Variants in ANKRD34C observed in about 807,000 individuals in gnomAD.
ANKRD34C encodes the protein ankyrin repeat domain 34C.
For synonymous variants in ANKRD34C, 260 were observed against 253.6 expected (o/e 1.03, Z -0.24); for missense variants, 563 against 653.0 (o/e 0.86, Z 1.50).
Position 79,297,041 on chromosome 15 carries a change from T to C in ANKRD34C, c.*2149T>C, listed in dbSNP as rs1285122738. The C allele has an allele frequency of 6.0e-6, 1 of 167,048 alleles. No individual in the cohort carries two copies. The allele number at this position is 167,048 out of a possible 1,614,324, so 10.3% of individuals were successfully genotyped here. Reference sequence around the variant, plus strand: ...TGTGTGCTAATGGTCTCATACTTTGTAGGAAGGGAAGAAAATAAGGAAAGC... The same window carrying C: ...TGTGTGCTAATGGTCTCATACTTTGCAGGAAGGGAAGAAAATAAGGAAAGC... On this transcript the variant is annotated 3_prime_UTR_variant, in exon 2 of 2. Transcript: ENST00000421388.
At chr15:79,291,611 G>C (rs997610898) in intron 1 of ANKRD34C, among the ~76,000 whole-genome samples, 2,274 of 110,952 alleles carry the variant, frequency 0.02, 30 homozygotes, top group African/African-American at 0.048. Context: ...CAGAGAGAGA[G>C]AGAGAGAGAG....
At position 79,295,942 on chromosome 15, in the gene ANKRD34C, T is replaced by A. The variant is rs896900710; in HGVS notation, c.*1050T>A. On this transcript the variant is annotated 3_prime_UTR_variant, in exon 2 of 2. Transcript: ENST00000421388. ...AAAATCTGGTTTCTTCTCTTCCTGA[T>A]CTATCTAGGTGAGAAGAGATTTGTA... 6.0e-6 allele frequency: 1 copy of A among 167,074 alleles called. No individual in the cohort carries two copies. The highest frequency in any genetic ancestry group is 2.4e-5 in the African/African-American group (1 of 41,474). 10.3% of individuals were successfully genotyped at this position (167,074 alleles called of 1,614,324 possible).
At chr15:79,288,743 G>A (rs1027878920) in intron 1 of ANKRD34C, among the ~76,000 whole-genome samples, 8 of 150,480 alleles carry the variant, frequency 5.3e-5, no homozygotes, top group Non-Finnish European at 7.4e-5. Context: ...CATGAATTTA[G>A]TCTGTGGTAA....
chr15:79,282,821 T>G lies in ANKRD34C; in HGVS notation c.-452T>G, dbSNP rs117469441. Among the ~76,000 whole-genome samples, 526 of 152,212 alleles carry G rather than the reference T, an allele frequency of 3.5e-3. 5 individuals carry two copies. The highest frequency in any genetic ancestry group is 0.026 in the East Asian group (137 of 5,170). The stretch of plus-strand genomic sequence containing the variant: ...AGCCGGCCGAAGACCAAGCCGGAGG[T>G]CTGGGGCTGCGCAGAGACCTGCACA... On this transcript the variant is annotated 5_prime_UTR_variant, in exon 1 of 2. Coordinates refer to ENST00000421388, the MANE Select transcript of ANKRD34C (RefSeq NM_001146341.2).
intron 1 of ANKRD34C, among the ~76,000 whole-genome samples, chr15:79,291,583 CACACACACACACACACACAGAGAGAGAG>C (rs1264189550): frequency 4.3e-5 from 5 of 116,878 alleles, no homozygotes; most frequent in East Asian, 3.2e-4. Flanking sequence ...CACACACACA[CACACACACACACACACACAGAGAGAGAG>C]AGAGAGAGAG....
rs1215677973 is a variant in ANKRD34C at position 79,296,177 on chromosome 15, AG to A, written c.*1288del. The A allele has an allele frequency of 6.0e-6, 1 of 167,032 alleles. No homozygotes were observed. The highest frequency in any genetic ancestry group is 6.5e-5 in the Admixed American group (1 of 15,290). The allele number at this position is 167,032 out of a possible 1,614,324, so 10.3% of individuals were successfully genotyped here. A position where few individuals can be genotyped will look rare whatever the true frequency, so the allele number is the denominator to read the frequency against. The stretch of plus-strand genomic sequence containing the variant: ...GAGGACAGCATCATATAGAGGAAAG[AG>A]GGCTTTGAGTCTGACATATTTGGGT... On this transcript the variant is annotated 3_prime_UTR_variant, in exon 2 of 2. Transcript: ENST00000421388.
intron 1 of ANKRD34C, among the ~76,000 whole-genome samples, chr15:79,288,099 T>C (rs893873130): frequency 2.0e-4 from 30 of 152,326 alleles, no homozygotes; most frequent in African/African-American, 7.2e-4. Context: ...GCAAGCCACT[T>C]CTTCACTTTT....
At chr15:79,290,363 T>C (rs1386677009) in intron 1 of ANKRD34C, among the ~76,000 whole-genome samples, 1 of 152,152 alleles carries the variant, frequency 6.6e-6, no homozygotes, top group East Asian at 1.9e-4. Flanking sequence ...TTTTTGTCTT[T>C]AATGAATAGT....
chr15:79,295,256 A>G lies in ANKRD34C; in HGVS notation c.*364A>G, dbSNP rs879173523. ...GGAGTATGTCATTTGTAATAAATCT[A>G]TAAAGTGCCTACATAGAAAACGAGG... On this transcript the variant is annotated 3_prime_UTR_variant, in exon 2 of 2. Transcript: ENST00000421388. The G allele has an allele frequency of 3.0e-5, 6 of 198,186 alleles. No individual in the cohort carries two copies. The South Asian group carries it at 8.1e-4, about 27-fold the overall frequency. The allele number at this position is 198,186 out of a possible 1,614,324, so 12.3% of individuals were successfully genotyped here. A position where few individuals can be genotyped will look rare whatever the true frequency, so the allele number is the denominator to read the frequency against.
rs1372018588 is a variant in ANKRD34C at position 79,297,361 on chromosome 15, A to G, written c.*2469A>G. The G allele has an allele frequency of 6.0e-6, 1 of 167,122 alleles. No homozygotes were observed. Among genetic ancestry groups the G allele is most frequent in the Non-Finnish European group, 1.5e-5 (1 of 68,124 alleles). The allele number at this position is 167,122 out of a possible 1,614,324, so 10.4% of individuals were successfully genotyped here. On this transcript the variant is annotated 3_prime_UTR_variant, in exon 2 of 2. Coordinates refer to ENST00000421388, the MANE Select transcript of ANKRD34C (RefSeq NM_001146341.2). Reference sequence around the variant, plus strand: ...CTGCTGGTAGTATTCAGTTGTGAGTATAGCAAGACACTGCATAGGAGCATT... The same window carrying G: ...CTGCTGGTAGTATTCAGTTGTGAGTGTAGCAAGACACTGCATAGGAGCATT...
chr15:79,292,616 C>T (rs1306327864), intron 1 of ANKRD34C, among the ~76,000 whole-genome samples: 3 of 152,190 alleles, frequency 2.0e-5, no homozygotes, highest in African/African-American at 7.2e-5. Context: ...TTCACTGTCC[C>T]TCCCTCATCA....
At chr15:79,290,898 G>A (rs890258436) in intron 1 of ANKRD34C, among the ~76,000 whole-genome samples, 3 of 152,150 alleles carry the variant, frequency 2.0e-5, no homozygotes, top group African/African-American at 7.2e-5. Flanking sequence ...CTGTCTGCAC[G>A]CCTCTTGGTA....
chr15:79,282,803 C>G lies in ANKRD34C; in HGVS notation c.-470C>G, dbSNP rs1225973025. On this transcript the variant is annotated 5_prime_UTR_variant, in exon 1 of 2. Transcript: ENST00000421388. The stretch of plus-strand genomic sequence containing the variant: ...CGCGTCGTCAGCCAGCACAGCCGGC[C>G]GAAGACCAAGCCGGAGGTCTGGGGC... Among the ~76,000 whole-genome samples, 2 of 152,384 alleles carry G rather than the reference C, an allele frequency of 1.3e-5. No homozygotes were observed. Among genetic ancestry groups the G allele is most frequent in the South Asian group, 4.1e-4 (2 of 4,834 alleles).
At position 79,291,601 on chromosome 15, in the gene ANKRD34C, C is replaced by CAGAGAGAG. The variant is rs138471761; in HGVS notation, c.-44-1616_-44-1609dup. 4.8e-5 allele frequency among the ~76,000 whole-genome samples: 4 copies of CAGAGAGAG among 83,998 alleles called. 1 individual carries two copies. Among genetic ancestry groups the CAGAGAGAG allele is most frequent in the East Asian group, 8.5e-4 (2 of 2,350 alleles). 55.1% of individuals were successfully genotyped at this position (83,998 alleles called of 152,430 possible). On this transcript the variant is annotated intron_variant, in intron 1 of 1. Transcript: ENST00000421388. The stretch of plus-strand genomic sequence containing the variant: ...ACACACACACACACACACACACACA[C>CAGAGAGAG]AGAGAGAGAGAGAGAGAGAGAGAGA...
intron 1 of ANKRD34C, among the ~76,000 whole-genome samples, chr15:79,285,875 G>C (rs2058642927): frequency 6.6e-6 from 1 of 152,222 alleles, no homozygotes; most frequent in Admixed American, 6.5e-5. Context: ...GGGAGTGAAA[G>C]ACCCTGGATT....
At chr15:79,289,782 T>C (rs1358704181) in intron 1 of ANKRD34C, among the ~76,000 whole-genome samples, 5 of 152,118 alleles carry the variant, frequency 3.3e-5, no homozygotes, top group African/African-American at 1.2e-4. Context: ...GCTTGAGGGG[T>C]GCAGGGCTCT....
chr15:79,291,460 C>A lies in ANKRD34C; in HGVS notation c.-44-1781C>A, dbSNP rs779954297. Among the ~76,000 whole-genome samples, 3 of 151,800 alleles carry A rather than the reference C, an allele frequency of 2.0e-5. No homozygotes were observed. In the East Asian group the frequency reaches 5.8e-4, roughly 29 times the overall value. On this transcript the variant is annotated intron_variant, in intron 1 of 1. Transcript: ENST00000421388. Reference sequence around the variant, plus strand: ...TCTCCAGAGTTCAGAGACTGAAAAGCTTATTGATGCATAGGGCTTTAACAC... The same window carrying A: ...TCTCCAGAGTTCAGAGACTGAAAAGATTATTGATGCATAGGGCTTTAACAC...
intron 1 of ANKRD34C, among the ~76,000 whole-genome samples, chr15:79,289,918 T>G (rs1022206413): frequency 6.6e-6 from 1 of 152,250 alleles, no homozygotes; most frequent in African/African-American, 2.4e-5. Context: ...TATGTGTGTG[T>G]GTGCATGCAC....
Position 79,294,154 on chromosome 15 carries a change from C to G in ANKRD34C, c.870C>G (p.Phe290Leu). 6.4e-7 allele frequency: 1 copy of G among 1,551,570 alleles called. No individual in the cohort carries two copies. Residue 290 changes from phenylalanine to leucine, a missense_variant, in exon 2 of 2, where the codon TTC (phenylalanine) becomes TTG (leucine). Phe to Leu is a conservative substitution (Grantham distance 22). Coordinates refer to ENST00000421388, the MANE Select transcript of ANKRD34C (RefSeq NM_001146341.2). ...TCAAGAGCATCAGTGATATATCCTT[C>G]CCTAAAAGGGGGCCCCTCTCCAGAA... The part of the protein sequence containing the change: ...EVIKSISDIS[F>L]PKRGPLSRTN...
Sources: allele counts gnomAD v4.1 joint callset (sites outside exome capture counted in the v4.1 genomes callset), GRCh38; gene constraint gnomAD v4.1.1; transcripts MANE v1.5; gene names NCBI Gene and HGNC (gene_info 2026-07-23, HGNC 2026-07-21).